COG3: variants seen among roughly 807,000 people sequenced by gnomAD.
COG3 encodes component of oligomeric golgi complex 3.
In COG3, 32 loss-of-function variants were observed where a neutral mutation model predicts 114.1. That is an observed-to-expected ratio of 0.28 (90% CI 0.21 to 0.38). The LOEUF (loss-of-function observed/expected upper bound fraction) is 0.38, where lower values mean the gene tolerates loss of function less well. Among genes scored for constraint, COG3 ranks in the 10% least tolerant of loss-of-function variants. COG3 has a pLI of 1.00. For missense variants in COG3, 813 were observed against 973.2 expected, an observed-to-expected ratio of 0.84 and a Z score of 2.19; for synonymous variants, 352 against 365.7, an observed-to-expected ratio of 0.96 and a Z score of 0.43.
At chr13:45,486,286 C>A (rs1306485192) in intron 7 of COG3, among the ~76,000 whole-genome samples, 1 of 125,732 alleles carries the variant, frequency 8.0e-6, no homozygotes, top group Non-Finnish European at 1.6e-5. Flanking sequence ...GAGAGGGAGA[C>A]CATCGGGAGA....
chr13:45,495,589 T>G (rs1345158933), intron 12 of COG3, among the ~76,000 whole-genome samples: 1 of 151,662 alleles, frequency 6.6e-6, no homozygotes, highest in African/African-American at 2.4e-5. Flanking sequence ...TTGCTCAGGT[T>G]GGCTGATCTT....
At chr13:45,531,460 T>C (rs1235289131) in intron 22 of COG3, among the ~76,000 whole-genome samples, 2 of 151,972 alleles carry the variant, frequency 1.3e-5, no homozygotes, top group Non-Finnish European at 2.9e-5. Context: ...GGGTAGAAAC[T>C]GGGTGAATAG....
chr13:45,500,059 T>TGA (rs879489399), intron 13 of COG3, among the ~76,000 whole-genome samples: 6,030 of 51,454 alleles, frequency 0.12, 128 homozygotes, highest in East Asian at 0.25. Flanking sequence ...TGTGTGTGTG[T>TGA]GTGTGTGAGT....
At chr13:45,506,959 G>C (rs115403285) in intron 14 of COG3, among the ~76,000 whole-genome samples, 1 of 152,204 alleles carries the variant, frequency 6.6e-6, no homozygotes, top group African/African-American at 2.4e-5. Context: ...AGCAAGTAAG[G>C]GGGAGGTGAG....
At chr13:45,480,086 A>C in intron 3 of COG3, 39 bp from the exon 4 acceptor site, 1 of 1,529,166 alleles carries the variant, frequency 6.5e-7, no homozygotes, top group Non-Finnish European at 8.9e-7. Flanking sequence ...TATTGGGGGA[A>C]AAGATTATTG....
intron 1 of COG3, chr13:45,465,456 A>G (rs1885079261): frequency 3.6e-6 from 2 of 551,300 alleles, no homozygotes; most frequent in Non-Finnish European, 6.0e-6. Flanking sequence ...GCTCGCCGGA[A>G]CCCAGTCCTC....
intron 13 of COG3, among the ~76,000 whole-genome samples, chr13:45,501,083 G>A (rs897142836): frequency 6.6e-6 from 1 of 152,176 alleles, no homozygotes; most frequent in South Asian, 2.1e-4. Context: ...TGTTGATATT[G>A]AACTTGACCA....
chr13:45,526,560 A>G (rs932620174), intron 20 of COG3, among the ~76,000 whole-genome samples: 6 of 152,210 alleles, frequency 3.9e-5, no homozygotes, highest in Non-Finnish European at 5.9e-5. Flanking sequence ...TGATGTCAAT[A>G]TAGGTTTGAG....
At chr13:45,496,081 A>G in intron 12 of COG3, 71 bp from the exon 13 acceptor site, 1 of 1,469,606 alleles carries the variant, frequency 6.8e-7, no homozygotes, top group Non-Finnish European at 9.3e-7. Context: ...CAATTTAGTA[A>G]CATCTTTGCT....
intron 21 of COG3, 110 bp downstream of exon 21, chr13:45,530,028 C>G (rs1873031148): frequency 8.4e-7 from 1 of 1,197,316 alleles, no homozygotes; most frequent in Admixed American, 2.7e-5. Flanking sequence ...GTATACTGTT[C>G]TAGTGAAGTT....
chr13:45,465,137 C>T lies in COG3; in HGVS notation c.101C>T (p.Pro34Leu). 4 of 1,613,596 alleles carry T rather than the reference C, an allele frequency of 2.5e-6. No homozygotes were observed. The highest frequency in any genetic ancestry group is 3.4e-6 in the Non-Finnish European group (4 of 1,179,904). The change falls in exon 1 of 23, where the codon CCG becomes CTG. Residue 34 changes from proline to leucine, a missense_variant. By Grantham distance (98) the Pro-to-Leu change is moderately conservative (BLOSUM62 -3). Transcript: ENST00000349995. ...GATCGGAGACCGGACACGACGGCGC[C>T]GCTGACCGACAGGCAGACGGACTCG... ...LWDRRPDTTAPLTDRQTDSVL... is the reference protein window; with the variant it reads ...LWDRRPDTTALLTDRQTDSVL...
intron 22 of COG3, among the ~76,000 whole-genome samples, chr13:45,533,807 A>G (rs1001854968): frequency 1.1e-4 from 17 of 152,142 alleles, no homozygotes; most frequent in African/African-American, 4.1e-4. Flanking sequence ...CTGTCTCTCC[A>G]TTTGGTGTTG....
Position 45,532,792 on chromosome 13 carries a change from C to T in COG3, c.2458-1910C>T, listed in dbSNP as rs559682161. Among the ~76,000 whole-genome samples the T allele has an allele frequency of 2.6e-5, 4 of 151,832 alleles. No homozygotes were observed. In the East Asian group the frequency reaches 5.8e-4, roughly 22 times the overall value. ...CAGGATGGTCTCGATCTGCTGACCG[C>T]GTGATCCACCCGCCTCAGCCTCCCA... On this transcript the variant is annotated intron_variant, in intron 22 of 22. Transcript: ENST00000349995.
intron 13 of COG3, among the ~76,000 whole-genome samples, chr13:45,500,059 T>A (rs1312930479): frequency 7.3e-4 from 39 of 53,260 alleles, no homozygotes; most frequent in East Asian, 1.8e-3. Context: ...TGTGTGTGTG[T>A]GTGTGTGAGT....
intron 7 of COG3, among the ~76,000 whole-genome samples, chr13:45,485,017 GCAACCATC>G (rs1566247169): frequency 2.2e-5 from 3 of 138,844 alleles, no homozygotes; most frequent in Non-Finnish European, 4.7e-5. Context: ...CACAGACACG[GCAACCATC>G]CGATCTCTCA....
Position 45,535,631 on chromosome 13 carries a change from T to A in COG3, c.*900T>A. ...AGCAGTTCTTTGAAAAGCAAACACT[T>A]TCATGTCCTGTCTATTCATTCAGCT... On this transcript the variant is annotated 3_prime_UTR_variant, in exon 23 of 23. Transcript: ENST00000349995. 1 of 985,638 alleles carries A rather than the reference T, an allele frequency of 1.0e-6. No individual in the cohort carries two copies. Among genetic ancestry groups the A allele is most frequent in the Non-Finnish European group, 1.2e-6 (1 of 830,100 alleles). The allele number at this position is 985,638 out of a possible 1,614,324, so 61.1% of individuals were successfully genotyped here.
At chr13:45,514,568 A>G (rs1309141934) in intron 16 of COG3, among the ~76,000 whole-genome samples, 4 of 152,156 alleles carry the variant, frequency 2.6e-5, no homozygotes, top group African/African-American at 7.2e-5. Flanking sequence ...CCTACATATT[A>G]TAAGAGGTTT....
At chr13:45,482,309 C>T in intron 5 of COG3, 72 bp from the exon 6 acceptor site, 2 of 763,180 alleles carry the variant, frequency 2.6e-6, no homozygotes, top group Non-Finnish European at 4.3e-6. Flanking sequence ...TATGCTGACT[C>T]TAATCCATAG....
At chr13:45,531,653 G>A (rs1309775279) in intron 22 of COG3, among the ~76,000 whole-genome samples, 1 of 151,956 alleles carries the variant, frequency 6.6e-6, no homozygotes, top group Non-Finnish European at 1.5e-5. Flanking sequence ...GACTACAGGT[G>A]CCTGCCACCA....
Sources: gnomAD v4.1 joint callset for allele counts (sites outside exome capture counted in the v4.1 genomes callset) on GRCh38, gnomAD v4.1.1 for gene constraint, MANE v1.5 for transcripts, NCBI Gene and HGNC (gene_info 2026-07-23, HGNC 2026-07-21) for gene names.